CPSF6: variants seen among roughly 807,000 people sequenced by gnomAD.
The protein encoded by CPSF6 is cleavage and polyadenylation specificity factor subunit 6.
CPSF6 carries 10 observed loss-of-function variants against 56.7 expected under a neutral mutation model. The observed-to-expected ratio is 0.18, with a 90% CI of 0.11 to 0.30. The LOEUF (loss-of-function observed/expected upper bound fraction) is 0.30, where lower values mean the gene tolerates loss of function less well. Among genes scored for constraint, CPSF6 ranks in the 10% least tolerant of loss-of-function variants. The pLI is 1.00. For missense variants in CPSF6, 419 were observed against 722.9 expected, an observed-to-expected ratio of 0.58 and a Z score of 4.82; for synonymous variants, 248 against 244.8, an observed-to-expected ratio of 1.01 and a Z score of -0.12.
intron 3 of CPSF6, among the ~76,000 whole-genome samples, chr12:69,255,674 G>A (rs780837656): frequency 6.6e-6 from 1 of 152,058 alleles, no homozygotes; most frequent in Non-Finnish European, 1.5e-5. Context: ...CCCAGCGTGG[G>A]ACTACAGGCA....
intron 9 of CPSF6, among the ~76,000 whole-genome samples, chr12:69,266,878 A>G (rs1873014072): frequency 6.6e-6 from 1 of 152,156 alleles, no homozygotes; most frequent in South Asian, 2.1e-4. Context: ...AGTACTATGT[A>G]CAGAGGTAGA....
At chr12:69,252,818 C>T (rs1016545609) in intron 2 of CPSF6, among the ~76,000 whole-genome samples, 4 of 152,066 alleles carry the variant, frequency 2.6e-5, no homozygotes, top group Non-Finnish European at 4.4e-5. Flanking sequence ...ATTGTAACCC[C>T]AAGGGTATAT....
chr12:69,265,433 T>A (rs1257621739), intron 9 of CPSF6, among the ~76,000 whole-genome samples: 2 of 152,184 alleles, frequency 1.3e-5, no homozygotes, highest in Non-Finnish European at 2.9e-5. Context: ...CAATTCAGCT[T>A]TTCTTTGTTT....
chr12:69,257,637 A>C (rs942346336), intron 4 of CPSF6, 95 bp from the exon 5 acceptor site: 1 of 1,168,304 alleles, frequency 8.6e-7, no homozygotes, highest in Non-Finnish European at 1.2e-6. Context: ...TTGCAAGTTA[A>C]TATATTAGAA....
At chr12:69,259,993 GT>G (rs1210375680) in intron 7 of CPSF6, 50 bp from the exon 8 acceptor site, 1 of 1,597,612 alleles carries the variant, frequency 6.3e-7, no homozygotes. Flanking sequence ...GTTTGATGGT[GT>G]TTTGAAAACA....
At chr12:69,246,555 C>T (rs1871919312) in intron 1 of CPSF6, among the ~76,000 whole-genome samples, 1 of 152,152 alleles carries the variant, frequency 6.6e-6, no homozygotes, top group Non-Finnish European at 1.5e-5. Context: ...ACAGGGATTA[C>T]TAGCCAGTTT....
intron 1 of CPSF6, among the ~76,000 whole-genome samples, chr12:69,248,076 T>G (rs751094125): frequency 3.3e-5 from 5 of 152,214 alleles, no homozygotes; most frequent in East Asian, 1.9e-4. Flanking sequence ...GGTAGAATCA[T>G]ATCAATGTGG....
chr12:69,243,826 T>G (rs1293834102), intron 1 of CPSF6, among the ~76,000 whole-genome samples: 1 of 152,216 alleles, frequency 6.6e-6, no homozygotes, highest in Non-Finnish European at 1.5e-5. Flanking sequence ...CAATAATACA[T>G]GAGCTTACTG....
intron 3 of CPSF6, among the ~76,000 whole-genome samples, chr12:69,253,594 T>A (rs1163523331): frequency 6.6e-6 from 1 of 152,148 alleles, no homozygotes; most frequent in African/African-American, 2.4e-5. Context: ...TATCTAAAAG[T>A]AAGAAAATAA....
At chr12:69,252,178 G>A (rs1397112242) in intron 2 of CPSF6, 1 of 439,402 alleles carries the variant, frequency 2.3e-6, no homozygotes, top group South Asian at 1.6e-5. Context: ...GGGCTGAAGT[G>A]ATTCTCCTGT....
chr12:69,262,516 G>A lies in CPSF6; in HGVS notation c.1613G>A (p.Arg538His), dbSNP rs765627634. The A allele has an allele frequency of 3.1e-6, 5 of 1,613,352 alleles. No individual in the cohort carries two copies. The highest frequency in any genetic ancestry group is 1.1e-5 in the South Asian group (1 of 91,060). ...AGGCACCGGGATCGTGACCGAGACC[G>A]TGACCGAGAGCGTGACCGAGAGCGC... ...RERHRDRDRD[R>H]DRERDREREY... The change falls in exon 9 of 10, where the codon CGT becomes CAT. Residue 538 changes from arginine (R) to histidine (H), a missense_variant. Coordinates refer to ENST00000435070, the MANE Select transcript of CPSF6 (RefSeq NM_007007.3).
At chr12:69,259,597 A>G (rs1872659431) in intron 7 of CPSF6, 54 bp downstream of exon 7, 1 of 1,464,230 alleles carries the variant, frequency 6.8e-7, no homozygotes. Flanking sequence ...GGAATGACCT[A>G]AAAATGTAAG....
At position 69,239,569 on chromosome 12, in the gene CPSF6, G is replaced by C; in HGVS notation, c.-78G>C. 6.7e-7 allele frequency: 1 copy of C among 1,490,232 alleles called. No homozygotes were observed. The highest frequency in any genetic ancestry group is 8.9e-7 in the Non-Finnish European group (1 of 1,117,524). 92.3% of individuals were successfully genotyped at this position (1,490,232 alleles called of 1,614,324 possible). A position where few individuals can be genotyped will look rare whatever the true frequency, so the allele number is the denominator to read the frequency against. ...GTGACGCAAGCGCCCCCCCACCGCC[G>C]CTAGATCCGCTGCTGCTGCCGCGGC... On this transcript the variant is annotated 5_prime_UTR_variant, in exon 1 of 10. Transcript: ENST00000435070.
rs375067595 is a variant in CPSF6 at position 69,268,042 on chromosome 12, G to A, written c.*4-1470G>A. 7.9e-5 allele frequency among the ~76,000 whole-genome samples: 12 copies of A among 151,872 alleles called. No homozygotes were observed. The East Asian group carries it at 1.9e-3, about 24-fold the overall frequency. On this transcript the variant is annotated intron_variant, in intron 9 of 9. Transcript: ENST00000435070. ...TCCAGCGCAACAGAAAATTTAGGGA[G>A]ATAGCATTCTTTTGCAGTTAGATTT...
chr12:69,260,232 A>T, intron 8 of CPSF6, 35 bp downstream of exon 8: 1 of 1,468,678 alleles, frequency 6.8e-7, no homozygotes, highest in Non-Finnish European at 9.1e-7. Context: ...ATTTAAAAAA[A>T]CTGTTAGTTT....
At chr12:69,268,617 T>C (rs1476327536) in intron 9 of CPSF6, among the ~76,000 whole-genome samples, 5 of 151,848 alleles carry the variant, frequency 3.3e-5, no homozygotes, top group Admixed American at 1.3e-4. Flanking sequence ...ACTTTATTAT[T>C]GAAGTGGTTT....
intron 4 of CPSF6, 143 bp downstream of exon 4, chr12:69,256,985 C>A: frequency 1.3e-6 from 1 of 744,782 alleles, no homozygotes; most frequent in Non-Finnish European, 2.1e-6. Context: ...TAGATTTAAT[C>A]ACTGGTTATG....
chr12:69,273,789 C>G lies in CPSF6; in HGVS notation c.*4281C>G, dbSNP rs1873369367. On this transcript the variant is annotated 3_prime_UTR_variant, in exon 10 of 10. Transcript: ENST00000435070. ...TCATAATGTATTTTAAGGAATGCATCTATAACATTGATAACTTTAGCCTTA... is the reference window on the plus strand; with the variant it reads ...TCATAATGTATTTTAAGGAATGCATGTATAACATTGATAACTTTAGCCTTA... The G allele has an allele frequency of 6.6e-6, 1 of 151,772 alleles. No homozygotes were observed. Among genetic ancestry groups the G allele is most frequent in the African/African-American group, 2.4e-5 (1 of 41,360 alleles). 9.4% of individuals were successfully genotyped at this position (151,772 alleles called of 1,614,324 possible). A position where few individuals can be genotyped will look rare whatever the true frequency, so the allele number is the denominator to read the frequency against.
At chr12:69,246,165 G>C (rs990171665) in intron 1 of CPSF6, among the ~76,000 whole-genome samples, 68 of 152,174 alleles carry the variant, frequency 4.5e-4, no homozygotes, top group African/African-American at 1.6e-3. Flanking sequence ...TCACTTAGGA[G>C]TTACGGACCT....
Sources: gnomAD v4.1 joint callset for allele counts (sites outside exome capture counted in the v4.1 genomes callset) on GRCh38, gnomAD v4.1.1 for gene constraint, MANE v1.5 for transcripts, NCBI Gene and HGNC (gene_info 2026-07-23, HGNC 2026-07-21) for gene names.